The following PCDH17 variants were observed in gnomAD, a reference collection of about 807,000 sequenced individuals.
PCDH17 encodes the protein protocadherin-17.
PCDH17 carries 21 observed loss-of-function variants against 67.7 expected under a neutral mutation model. The observed-to-expected ratio is 0.31, with a 90% CI of 0.22 to 0.45. PCDH17 has a LOEUF of 0.45. Among genes scored for constraint, PCDH17 ranks in the 20% least tolerant of loss-of-function variants. The pLI is 1.00. For synonymous variants in PCDH17, 701 were observed against 656.7 expected (o/e 1.07, Z -1.03); for missense variants, 1,471 against 1,564.8 (o/e 0.94, Z 1.01).
At chr13:57,707,298 A>T (rs1955729581) in intron 3 of PCDH17, among the ~76,000 whole-genome samples, 1 of 151,546 alleles carries the variant, frequency 6.6e-6, no homozygotes, top group Non-Finnish European at 1.5e-5. Flanking sequence ...ATGTCATAAA[A>T]AAACTTTCTC....
rs749729677 is a variant in PCDH17, at chr13:57,724,603, G to T, written c.2798-9G>T. 6 of 1,598,196 alleles carry T rather than the reference G, an allele frequency of 3.8e-6. No homozygotes were observed. Among genetic ancestry groups the T allele is most frequent in the Non-Finnish European group, 4.3e-6 (5 of 1,169,698 alleles). On this transcript the variant is annotated splice_polypyrimidine_tract_variant and intron_variant, in intron 3 of 3. Transcript: ENST00000377918. Reference sequence around the variant, plus strand: ...GATTGGATTTGCTGTTTTCTCTTTTGTTTTGCAGAACCAGAAGAGTGTGTT... The same window carrying T: ...GATTGGATTTGCTGTTTTCTCTTTTTTTTTGCAGAACCAGAAGAGTGTGTT...
intron 3 of PCDH17, among the ~76,000 whole-genome samples, chr13:57,716,588 A>G (rs908309076): frequency 6.6e-5 from 10 of 151,622 alleles, no homozygotes; most frequent in Non-Finnish European, 1.2e-4. Flanking sequence ...CAATATTACA[A>G]CCTACGCTTT....
intron 1 of PCDH17, among the ~76,000 whole-genome samples, chr13:57,645,613 A>G (rs958805274): frequency 2.6e-5 from 4 of 151,300 alleles, no homozygotes; most frequent in Non-Finnish European, 5.9e-5. Flanking sequence ...TTACAACTTC[A>G]TGGAGAAAGA....
intron 3 of PCDH17, among the ~76,000 whole-genome samples, chr13:57,693,772 A>G (rs1402712988): frequency 6.6e-6 from 1 of 151,004 alleles, no homozygotes; most frequent in Non-Finnish European, 1.5e-5. Flanking sequence ...CTCACATTTT[A>G]TAATCTCTTC....
intron 3 of PCDH17, among the ~76,000 whole-genome samples, chr13:57,717,782 A>G (rs567131280): frequency 6.6e-6 from 1 of 152,184 alleles, no homozygotes; most frequent in East Asian, 1.9e-4. Flanking sequence ...AGCACTTCAC[A>G]AAGTAAAATC....
intron 3 of PCDH17, among the ~76,000 whole-genome samples, chr13:57,696,391 G>A (rs1183768915): frequency 6.6e-6 from 1 of 151,100 alleles, no homozygotes; most frequent in Non-Finnish European, 1.5e-5. Flanking sequence ...AATTAATTAT[G>A]TTTTATTCCC....
At chr13:57,645,919 T>C (rs1343297217) in intron 1 of PCDH17, among the ~76,000 whole-genome samples, 1 of 151,482 alleles carries the variant, frequency 6.6e-6, no homozygotes, top group Non-Finnish European at 1.5e-5. Flanking sequence ...TTCGTCTATA[T>C]ATTAATTAAT....
intron 1 of PCDH17, among the ~76,000 whole-genome samples, chr13:57,637,740 G>A (rs1954841076): frequency 6.6e-6 from 1 of 151,954 alleles, no homozygotes; most frequent in South Asian, 2.1e-4. Context: ...TCATAATTGT[G>A]TTGAGATACA....
At chr13:57,667,960 T>C (rs934909685) in intron 3 of PCDH17, among the ~76,000 whole-genome samples, 2 of 150,314 alleles carry the variant, frequency 1.3e-5, no homozygotes, top group African/African-American at 4.9e-5. Flanking sequence ...ATAAATATAA[T>C]TATGCTGAAT....
intron 1 of PCDH17, among the ~76,000 whole-genome samples, chr13:57,652,301 AAG>A (rs1955052455): frequency 6.6e-6 from 1 of 151,488 alleles, no homozygotes; most frequent in Non-Finnish European, 1.5e-5. Flanking sequence ...AAAAAAAAAA[AAG>A]AACACTTACG....
intron 3 of PCDH17, among the ~76,000 whole-genome samples, chr13:57,721,707 A>G (rs1365160833): frequency 6.6e-6 from 1 of 151,532 alleles, no homozygotes; most frequent in Non-Finnish European, 1.5e-5. Context: ...CTCTCTCTTC[A>G]TCTACCCCCA....
At chr13:57,640,733 T>C (rs1012423206) in intron 1 of PCDH17, among the ~76,000 whole-genome samples, 1 of 152,072 alleles carries the variant, frequency 6.6e-6, no homozygotes, top group Middle Eastern at 3.4e-3. Flanking sequence ...GCTGGAAGCA[T>C]GTGAGAATGT....
chr13:57,660,904 G>C (rs986017563), intron 1 of PCDH17, among the ~76,000 whole-genome samples: 1 of 152,136 alleles, frequency 6.6e-6, no homozygotes, highest in Non-Finnish European at 1.5e-5. Flanking sequence ...ACTTATGTAT[G>C]AATATGTATG....
At chr13:57,698,138 T>C (rs1046385582) in intron 3 of PCDH17, among the ~76,000 whole-genome samples, 1 of 151,454 alleles carries the variant, frequency 6.6e-6, no homozygotes, top group Non-Finnish European at 1.5e-5. Context: ...TATTTTGTGG[T>C]GCCTAGAATT....
chr13:57,688,196 A>G (rs1221534291), intron 3 of PCDH17, among the ~76,000 whole-genome samples: 2 of 151,856 alleles, frequency 1.3e-5, no homozygotes, highest in Admixed American at 6.6e-5. Context: ...AGTCCCAGCT[A>G]CTCAGGAGGC....
chr13:57,642,300 G>T (rs1954915873), intron 1 of PCDH17, among the ~76,000 whole-genome samples: 1 of 151,466 alleles, frequency 6.6e-6, no homozygotes, highest in Admixed American at 6.6e-5. Context: ...GCCTTTGTAG[G>T]GTTTGAAAGC....
intron 3 of PCDH17, among the ~76,000 whole-genome samples, chr13:57,707,893 AG>A (rs1415911329): frequency 6.6e-6 from 1 of 152,010 alleles, no homozygotes; most frequent in Admixed American, 6.6e-5. Context: ...CTTTGGATTA[AG>A]GCCAACTCTA....
Position 57,633,922 on chromosome 13 carries a change from C to A in PCDH17, c.1376C>A (p.Ala459Glu), listed in dbSNP as rs755006939. 1 of 1,613,392 alleles carries A rather than the reference C, an allele frequency of 6.2e-7. No individual in the cohort carries two copies. The highest frequency in any genetic ancestry group is 8.5e-7 in the Non-Finnish European group (1 of 1,180,034). The change falls in exon 1 of 4, where the codon GCG becomes GAG. Residue 459 changes from alanine to glutamate, a missense_variant. Physicochemically the swap from Ala to Glu is moderately radical, Grantham distance 107. Transcript: ENST00000377918. The surrounding 1 kb of genome is among the most constrained non-coding windows in gnomAD (Gnocchi z 6.2). ...SPPLNSTKSF[A>E]IKILDENDNP... ...CCCCTCAACTCCACCAAGTCGTTCG[C>A]GATCAAGATTCTAGACGAGAACGAC...
chr13:57,641,435 C>T (rs1259046559), intron 1 of PCDH17, among the ~76,000 whole-genome samples: 4 of 148,090 alleles, frequency 2.7e-5, no homozygotes, highest in African/African-American at 5.0e-5. Flanking sequence ...AAAAAAAACA[C>T]GCAAAAATCC....
Sources: allele counts gnomAD v4.1 joint callset (sites outside exome capture counted in the v4.1 genomes callset), GRCh38; gene constraint gnomAD v4.1.1; non-coding constraint Gnocchi (gnomAD v3.1); transcripts MANE v1.5; gene names NCBI Gene and HGNC (gene_info 2026-07-23, HGNC 2026-07-21).